Variants in TRIM37 observed in about 807,000 individuals in gnomAD.
TRIM37 encodes E3 ubiquitin-protein ligase TRIM37.
A neutral mutation model predicts 129.8 loss-of-function variants in TRIM37; 80 were observed. The ratio of observed to expected loss-of-function variants is 0.62; its 90% CI spans 0.51 to 0.74. The LOEUF is 0.74. Among genes scored for constraint, TRIM37 ranks in the 30% least tolerant of loss-of-function variants. The probability of loss-of-function intolerance (pLI) is 0.00; values close to 1 mark genes in which losing one functional copy is unlikely to be tolerated. For synonymous variants in TRIM37, 389 were observed against 387.1 expected (o/e 1.00, Z -0.06); for missense variants, 1,054 against 1,176.5 (o/e 0.90, Z 1.52).
At chr17:58,991,637 T>C (rs1289945906) in intron 24 of TRIM37, among the ~76,000 whole-genome samples, 1 of 152,176 alleles carries the variant, frequency 6.6e-6, no homozygotes, top group Admixed American at 6.5e-5. Context: ...TGAATATAGA[T>C]GGAAAAGTTC....
At chr17:58,985,166 C>A (rs1274122117) in intron 24 of TRIM37, 1 of 152,506 alleles carries the variant, frequency 6.6e-6, no homozygotes, top group Non-Finnish European at 1.5e-5. Context: ...TAAAACCTGG[C>A]AATTTAAAAA....
intron 12 of TRIM37, among the ~76,000 whole-genome samples, chr17:59,059,768 G>T (rs2333410): frequency 1.3e-5 from 2 of 151,936 alleles, no homozygotes; most frequent in African/African-American, 4.8e-5. Flanking sequence ...ATCCTTTCAG[G>T]TCTCACTTTT....
chr17:58,973,330 T>C, the TRIM37 span, among the ~76,000 whole-genome samples: 1 of 151,620 alleles, frequency 6.6e-6, no homozygotes, highest in South Asian at 2.1e-4. Context: ...GGCAGGAATA[T>C]TGCTTGAACC....
chr17:59,028,538 T>C lies in TRIM37; in HGVS notation c.2134A>G (p.Ser712Gly). 2 of 1,614,244 alleles carry C rather than the reference T, an allele frequency of 1.2e-6. No homozygotes were observed. The highest frequency in any genetic ancestry group is 1.7e-6 in the Non-Finnish European group (2 of 1,180,038). Residue 712 changes from serine (S) to glycine (G), a missense_variant, in exon 19 of 24, where the codon AGC (serine) becomes GGC (glycine). Coordinates refer to ENST00000262294, the MANE Select transcript of TRIM37 (RefSeq NM_015294.6). ...GCTGCCTGGTCAGCAGAAAAAAGGC[T>C]TGTCTGCATGTCTCCAGAAGCAGCA... ...SSAASGDMQT[S>G]LFSADQAALA...
exon 25 of TRIM37, chr17:58,982,659 A>AATC (rs2031427220): frequency 4.2e-6 from 2 of 477,166 alleles, no homozygotes; most frequent in Non-Finnish European, 7.5e-6. Context: ...TCAGATTGTT[A>AATC]ATCTACAGAT....
At chr17:59,001,777 A>C (rs1159352875) in intron 22 of TRIM37, 63 bp from the exon 23 acceptor site, 2 of 1,596,066 alleles carry the variant, frequency 1.3e-6, no homozygotes, top group Admixed American at 3.5e-5. Flanking sequence ...AGGAAACAGA[A>C]ATCTCCGTAT....
chr17:59,091,517 A>G (rs1429177025), intron 2 of TRIM37, among the ~76,000 whole-genome samples, 177 bp from the exon 3 acceptor site: 1 of 129,928 alleles, frequency 7.7e-6, no homozygotes, highest in Non-Finnish European at 1.6e-5. Flanking sequence ...TATCATATAT[A>G]TATAATGTAT....
intron 19 of TRIM37, among the ~76,000 whole-genome samples, chr17:59,026,221 C>G (rs1224719504): frequency 6.6e-6 from 1 of 152,096 alleles, no homozygotes; most frequent in African/African-American, 2.4e-5. Context: ...CATGGGCAAG[C>G]AAGTCAGACC....
intron 10 of TRIM37, chr17:59,064,086 C>T: frequency 2.7e-6 from 1 of 373,106 alleles, no homozygotes; most frequent in Non-Finnish European, 4.9e-6. Flanking sequence ...AATGATCACG[C>T]CACTGCACTC....
At chr17:59,045,537 G>T (rs1423326378) in intron 16 of TRIM37, among the ~76,000 whole-genome samples, 5 of 150,584 alleles carry the variant, frequency 3.3e-5, no homozygotes, top group African/African-American at 1.2e-4. Context: ...TACTTGGGAG[G>T]CTGAGGCAGG....
chr17:59,087,061 A>C (rs938505163), intron 4 of TRIM37, among the ~76,000 whole-genome samples: 1 of 152,154 alleles, frequency 6.6e-6, no homozygotes. Context: ...GAATTCCTTA[A>C]AAGTCCAGTT....
the TRIM37 span, chr17:58,969,707 G>A: frequency 5.6e-6 from 9 of 1,614,044 alleles, no homozygotes; most frequent in Non-Finnish European, 7.6e-6. Context: ...TGAGCGGTTT[G>A]TGCAGAAAGC....
At chr17:59,075,520 C>T (rs1222715921) in intron 8 of TRIM37, 127 bp downstream of exon 8, 12 of 648,042 alleles carry the variant, frequency 1.9e-5, no homozygotes, top group Admixed American at 1.8e-4. Flanking sequence ...GCCGAGATCG[C>T]GCCACTGCAC....
Position 59,023,298 on chromosome 17 carries a change from G to A in TRIM37, c.2257+5117C>T, listed in dbSNP as rs774539682. Among the ~76,000 whole-genome samples, 73 of 152,110 alleles carry A rather than the reference G, an allele frequency of 4.8e-4. 1 individual carries two copies. The highest frequency in any genetic ancestry group is 7.6e-4 in the Non-Finnish European group (52 of 67,996). On this transcript the variant is annotated intron_variant, in intron 19 of 23. Coordinates refer to ENST00000262294, the MANE Select transcript of TRIM37 (RefSeq NM_015294.6). ...TCTCCATGTTGGCCAGGCTGGTCTC[G>A]AACTCCTGGCCTCAAGTAATCTGCA...
At chr17:59,062,736 G>T in intron 10 of TRIM37, 88 bp from the exon 11 acceptor site, 1 of 1,028,172 alleles carries the variant, frequency 9.7e-7, no homozygotes, top group Non-Finnish European at 1.5e-6. Flanking sequence ...CAGTTTCTTT[G>T]TTACATACTT....
At chr17:59,070,743 A>G in intron 9 of TRIM37, 80 bp downstream of exon 9, 1 of 1,502,082 alleles carries the variant, frequency 6.7e-7, no homozygotes, top group Non-Finnish European at 9.1e-7. Context: ...GGCATTAAAA[A>G]AAAAAACATT....
In TRIM37 at chr17:59,039,350, C is replaced by CT. The variant is rs71145516; in HGVS notation, c.1753+2462dup. Among the ~76,000 whole-genome samples the CT allele has an allele frequency of 3.8e-3, 551 of 144,480 alleles. 4 individuals carry two copies. The highest frequency in any genetic ancestry group is 5.9e-3 in the Non-Finnish European group (387 of 65,770). The allele number at this position is 144,480 out of a possible 152,430, so 94.8% of individuals were successfully genotyped here. ...TTCCCAGCCTGTCAGGATGGCCAGT[C>CT]TTTTTTTTTTTTTTGAGATGGAGTC... On this transcript the variant is annotated intron_variant, in intron 17 of 23. Transcript: ENST00000262294.
At chr17:58,996,543 T>A (rs1443156262), downstream of TRIM37, among the ~76,000 whole-genome samples, 2 of 151,566 alleles carry the variant, frequency 1.3e-5, no homozygotes, top group Non-Finnish European at 2.9e-5. Context: ...ACCTACCACT[T>A]TGGGAGGCTG....
At chr17:59,001,516 A>G in intron 23 of TRIM37, 82 bp downstream of exon 23, 1 of 1,579,684 alleles carries the variant, frequency 6.3e-7, no homozygotes. Flanking sequence ...AAAAAGTAGA[A>G]GTAGCAGCAG....
Sources: gnomAD v4.1 joint callset for allele counts (sites outside exome capture counted in the v4.1 genomes callset) on GRCh38, gnomAD v4.1.1 for gene constraint, MANE v1.5 for transcripts, NCBI Gene and HGNC (gene_info 2026-07-23, HGNC 2026-07-21) for gene names.